Variants in NEGR1 observed in about 807,000 individuals in gnomAD.
NEGR1 encodes neuronal growth regulator 1, also known as IgLON family member 4.
In NEGR1, 10 loss-of-function variants were observed where a neutral mutation model predicts 40.9. That is an observed-to-expected ratio of 0.24 (90% CI 0.15 to 0.42). NEGR1 has a LOEUF of 0.42. NEGR1 is among the 10% of genes least tolerant of loss of function. The pLI is 1.00. For synonymous variants in NEGR1, 185 were observed against 166.8 expected, an observed-to-expected ratio of 1.11 and a Z score of -0.84; for missense variants, 352 against 438.9, an observed-to-expected ratio of 0.80 and a Z score of 1.77.
At chr1:72,213,087 T>C (rs1053576973) in intron 1 of NEGR1, among the ~76,000 whole-genome samples, 2 of 151,900 alleles carry the variant, frequency 1.3e-5, no homozygotes, top group African/African-American at 4.8e-5. Flanking sequence ...ATAAGCATTA[T>C]TTTTCTGATG....
rs1646274016 is a variant in NEGR1, at chr1:71,405,696, A to G, written c.*1750T>C. The G allele has an allele frequency of 6.6e-6, 1 of 151,780 alleles. No homozygotes were observed. Among genetic ancestry groups the G allele is most frequent in the African/African-American group, 2.4e-5 (1 of 41,288 alleles). 9.4% of individuals were successfully genotyped at this position (151,780 alleles called of 1,614,324 possible). A position where few individuals can be genotyped will look rare whatever the true frequency, so the allele number is the denominator to read the frequency against. On this transcript the variant is annotated 3_prime_UTR_variant, in exon 7 of 7. Coordinates refer to ENST00000357731, the MANE Select transcript of NEGR1 (RefSeq NM_173808.3). ...GGGACTAAGTTTTACTTGAAGAAAA[A>G]AAATCACAGTTTTTAAGCCATCCCT... is the stretch of plus-strand genomic sequence containing the variant.
chr1:71,956,736 C>T (rs1205537340), intron 1 of NEGR1, among the ~76,000 whole-genome samples: 1 of 152,088 alleles, frequency 6.6e-6, no homozygotes, highest in Non-Finnish European at 1.5e-5. Context: ...GGTCTAAAGT[C>T]TAACTACAGA....
intron 1 of NEGR1, among the ~76,000 whole-genome samples, chr1:72,179,974 T>G (rs1299027909): frequency 6.6e-6 from 1 of 152,010 alleles, no homozygotes; most frequent in Non-Finnish European, 1.5e-5. Flanking sequence ...TATCTGCAGA[T>G]TCAATGGAAT....
chr1:72,078,446 A>G (rs1647843463), intron 1 of NEGR1, among the ~76,000 whole-genome samples: 1 of 151,974 alleles, frequency 6.6e-6, no homozygotes, highest in African/African-American at 2.4e-5. Context: ...CACACATACA[A>G]ACACTCTAAC....
chr1:71,623,242 T>C (rs1477911504), intron 4 of NEGR1, among the ~76,000 whole-genome samples: 1 of 151,820 alleles, frequency 6.6e-6, no homozygotes, highest in Non-Finnish European at 1.5e-5. Flanking sequence ...GTGTCAGAAG[T>C]CTAGCAAGAC....
In NEGR1 at chr1:71,513,848, C is replaced by T. The variant is rs991389360; in HGVS notation, c.940+78969G>A. 4.7e-5 allele frequency among the ~76,000 whole-genome samples: 7 copies of T among 150,044 alleles called. No individual in the cohort carries two copies. In the East Asian group the frequency reaches 6.0e-4, roughly 13 times the overall value. ...TCACTAGGGAGTGCCAGACAGTGTG[C>T]GCAGGCCAGTGTGTGTGCGCACCGT... On this transcript the variant is annotated intron_variant, in intron 6 of 6. Transcript: ENST00000357731.
At chr1:71,420,491 GA>G (rs1220990928) in intron 6 of NEGR1, among the ~76,000 whole-genome samples, 3 of 150,862 alleles carry the variant, frequency 2.0e-5, no homozygotes, top group Admixed American at 2.0e-4. Flanking sequence ...TAGTCAAGTA[GA>G]AAAAAAACAT....
At chr1:71,856,749 C>T (rs1056658734) in intron 2 of NEGR1, among the ~76,000 whole-genome samples, 4 of 152,122 alleles carry the variant, frequency 2.6e-5, no homozygotes, top group South Asian at 2.1e-4. Flanking sequence ...ACCCCAAGTT[C>T]GAGCTCAAAT....
intron 4 of NEGR1, among the ~76,000 whole-genome samples, chr1:71,646,849 A>G (rs1651547081): frequency 6.6e-6 from 1 of 151,864 alleles, no homozygotes; most frequent in South Asian, 2.1e-4. Flanking sequence ...GACAACTCAT[A>G]CACAATTGAA....
intron 1 of NEGR1, among the ~76,000 whole-genome samples, chr1:72,251,481 C>G (rs1171722664): frequency 1.3e-5 from 2 of 152,150 alleles, no homozygotes; most frequent in Non-Finnish European, 2.9e-5. Context: ...GGGTTAGTTT[C>G]AGAAACTCCT....
chr1:72,005,312 G>A (rs1192868144), intron 1 of NEGR1, among the ~76,000 whole-genome samples: 1 of 152,066 alleles, frequency 6.6e-6, no homozygotes, highest in Admixed American at 6.6e-5. Flanking sequence ...ATAAAAAATA[G>A]TTTAACGCCA....
chr1:71,962,584 T>C (rs1379014983), intron 1 of NEGR1, among the ~76,000 whole-genome samples: 1 of 152,070 alleles, frequency 6.6e-6, no homozygotes, highest in Admixed American at 6.5e-5. Context: ...CTATTCAATA[T>C]ACTTAAGAAT....
At chr1:71,880,381 C>T (rs537256081) in intron 2 of NEGR1, among the ~76,000 whole-genome samples, 8 of 151,938 alleles carry the variant, frequency 5.3e-5, no homozygotes, top group South Asian at 4.2e-4. Flanking sequence ...AAGTATATTT[C>T]GAGAGACAAA....
chr1:71,583,748 T>TTAC (rs1649210947), intron 6 of NEGR1, among the ~76,000 whole-genome samples: 1 of 152,212 alleles, frequency 6.6e-6, no homozygotes, highest in East Asian at 1.9e-4. Context: ...ATATATGTTG[T>TTAC]TACTCTTGTC....
rs988190453 is a variant in NEGR1 at position 71,788,266 on chromosome 1, G to A, written c.410-11969C>T. On this transcript the variant is annotated intron_variant, in intron 2 of 6. Transcript: ENST00000357731. ...GCCAGTTCTCTCTGAAATTGGATTG[G>A]ATTAAAAGATAACTTGCCATGTGTT... Among the ~76,000 whole-genome samples the A allele has an allele frequency of 3.3e-5, 5 of 152,010 alleles. No individual in the cohort carries two copies. The South Asian group carries it at 8.3e-4, about 25-fold the overall frequency.
intron 1 of NEGR1, among the ~76,000 whole-genome samples, chr1:72,233,067 C>A (rs1175412141): frequency 2.0e-5 from 3 of 152,106 alleles, no homozygotes; most frequent in African/African-American, 4.8e-5. Context: ...TATAATCTGA[C>A]TACATACAGA....
chr1:71,440,323 A>G (rs1331686271), intron 6 of NEGR1, among the ~76,000 whole-genome samples: 1 of 152,232 alleles, frequency 6.6e-6, no homozygotes, highest in East Asian at 1.9e-4. Flanking sequence ...TTGTCCAGGT[A>G]TAATCTGCAT....
In NEGR1 at chr1:71,915,448, C is replaced by T. The variant is rs540708332; in HGVS notation, c.409+19631G>A. Among the ~76,000 whole-genome samples, 46 of 152,040 alleles carry T rather than the reference C, an allele frequency of 3.0e-4. 1 individual carries two copies. Among genetic ancestry groups the T allele is most frequent in the Non-Finnish European group, 2.6e-4 (18 of 67,956 alleles). On this transcript the variant is annotated intron_variant, in intron 2 of 6. Coordinates refer to ENST00000357731, the MANE Select transcript of NEGR1 (RefSeq NM_173808.3). ...AAAAACAAATAACTGACCTTTTCAT[C>T]GGGTTATGAATGCACACACAAACCT... is the stretch of plus-strand genomic sequence containing the variant.
At chr1:71,622,430 G>C (rs960501460) in intron 4 of NEGR1, among the ~76,000 whole-genome samples, 1 of 151,874 alleles carries the variant, frequency 6.6e-6, no homozygotes, top group African/African-American at 2.4e-5. Flanking sequence ...AATATTGAAG[G>C]CGTTATAAAC....
Sources: allele counts gnomAD v4.1 joint callset (sites outside exome capture counted in the v4.1 genomes callset), GRCh38; gene constraint gnomAD v4.1.1; transcripts MANE v1.5; gene names NCBI Gene and HGNC (gene_info 2026-07-23, HGNC 2026-07-21).